The following ANKRD18A variants were observed in gnomAD, a reference collection of about 807,000 sequenced individuals.
The protein encoded by ANKRD18A is ankyrin repeat domain 18A.
In ANKRD18A, 72 loss-of-function variants were observed where a neutral mutation model predicts 110.6. The observed-to-expected ratio is 0.65, with a 90% confidence interval of 0.54 to 0.79. The LOEUF (loss-of-function observed/expected upper bound fraction) is 0.79, where lower values mean the gene tolerates loss of function less well. ANKRD18A is among the 30% of genes least tolerant of loss of function. The pLI is 0.00. For synonymous variants in ANKRD18A, 305 were observed against 410.3 expected (o/e 0.74, Z 3.10); for missense variants, 934 against 1,163.3 (o/e 0.80, Z 2.87).
chr9:38,589,732 C>T (rs902862454), intron 10 of ANKRD18A, among the ~76,000 whole-genome samples: 1 of 152,194 alleles, frequency 6.6e-6, no homozygotes, highest in Non-Finnish European at 1.5e-5. Flanking sequence ...TGGTGTTTCA[C>T]AATGTTGGCC....
rs866964882 is a variant in ANKRD18A at position 38,593,838 on chromosome 9, C to T, written c.1926G>A (p.Leu642=). 1 of 1,542,552 alleles carries T rather than the reference C, an allele frequency of 6.5e-7. No homozygotes were observed. The highest frequency in any genetic ancestry group is 1.2e-5 in the South Asian group (1 of 81,172). The change falls in exon 10 of 16, where the codon CTG becomes CTA. Residue 642 remains leucine, a synonymous_variant. Transcript: ENST00000399703. ...TAATATGACAATGTGATGTACCTTCCAGTGGAGACTCTGATATTGAAAATG... is the reference window on the plus strand; with the variant it reads ...TAATATGACAATGTGATGTACCTTCTAGTGGAGACTCTGATATTGAAAATG... ...LKTFSISESP[L]EGTSHCHINL...
chr9:38,586,555 T>C (rs115855659), intron 11 of ANKRD18A, among the ~76,000 whole-genome samples: 1 of 148,038 alleles, frequency 6.8e-6, no homozygotes, highest in African/African-American at 2.5e-5. Flanking sequence ...CAGTTTTTGG[T>C]TTTTTTTTTG....
At chr9:38,605,317 A>G (rs1025413953) in intron 6 of ANKRD18A, among the ~76,000 whole-genome samples, 2 of 152,082 alleles carry the variant, frequency 1.3e-5, no homozygotes, top group African/African-American at 2.4e-5. Context: ...TTTCTTAAAA[A>G]CTCTGTTGAA....
intron 7 of ANKRD18A, among the ~76,000 whole-genome samples, chr9:38,602,473 C>A (rs971430107): frequency 2.0e-5 from 3 of 152,128 alleles, no homozygotes; most frequent in African/African-American, 7.2e-5. Context: ...GCATCACCAG[C>A]AGCTCAGAAA....
intron 5 of ANKRD18A, among the ~76,000 whole-genome samples, 195 bp downstream of exon 5, chr9:38,610,078 G>T (rs1002719932): frequency 3.9e-5 from 6 of 152,144 alleles, no homozygotes; most frequent in Admixed American, 1.3e-4. Flanking sequence ...AGTCCGGAAA[G>T]AATCTTGCAC....
Position 38,610,647 on chromosome 9 carries a change from C to T in ANKRD18A, c.603-237G>A, listed in dbSNP as rs1856186. Among the ~76,000 whole-genome samples the T allele has an allele frequency of 9.7e-3, 1,481 of 152,226 alleles. 19 individuals are homozygous for T. The highest frequency in any genetic ancestry group is 0.024 in the Middle Eastern group (7 of 294). ...AACTTCGTGTCCCATTGGGACATGA[C>T]GTAATACAAATTGCTAATTTATAGT... is the stretch of plus-strand genomic sequence containing the variant. On this transcript the variant is annotated intron_variant, in intron 4 of 15. Coordinates refer to ENST00000399703, the MANE Select transcript of ANKRD18A (RefSeq NM_147195.4).
intron 15 of ANKRD18A, among the ~76,000 whole-genome samples, chr9:38,573,901 T>C (rs184890469): frequency 3.2e-4 from 49 of 151,728 alleles, no homozygotes; most frequent in African/African-American, 1.2e-3. Context: ...AAAGTTTTCT[T>C]TTTTTTTTCT....
intron 10 of ANKRD18A, among the ~76,000 whole-genome samples, chr9:38,590,969 G>A (rs1824620226): frequency 2.0e-5 from 3 of 152,078 alleles, no homozygotes; most frequent in Middle Eastern, 3.4e-3. Flanking sequence ...TATACAAAAC[G>A]TTTTATTTAT....
chr9:38,606,779 T>C (rs1393085795), intron 6 of ANKRD18A, among the ~76,000 whole-genome samples: 1 of 152,174 alleles, frequency 6.6e-6, no homozygotes, highest in Non-Finnish European at 1.5e-5. Flanking sequence ...TCCATTTGCA[T>C]AACAAGTCCA....
Position 38,595,662 on chromosome 9 carries a change from G to T in ANKRD18A, c.1678C>A (p.Leu560Ile), listed in dbSNP as rs182912491. 6.4e-7 allele frequency: 1 copy of T among 1,551,068 alleles called. No homozygotes were observed. The highest frequency in any genetic ancestry group is 1.4e-5 in the African/African-American group (1 of 73,056). ...ELENLLLERQLEDARKEGDNK... is the reference protein window; with the variant it reads ...ELENLLLERQIEDARKEGDNK... Reference sequence around the variant, plus strand: ...TCGCCTTCCTTACGAGCATCCTCTAGTTGTCGTTCAAGCAAGAGATTTTCA... The same window carrying T: ...TCGCCTTCCTTACGAGCATCCTCTATTTGTCGTTCAAGCAAGAGATTTTCA... Residue 560 changes from leucine (L) to isoleucine (I), a missense_variant, in exon 9 of 16, where the codon CTA becomes ATA. Physicochemically the swap from Leu to Ile is conservative, Grantham distance 5 (BLOSUM62 2). Around this residue, in one of 4 missense-constraint regions of ANKRD18A, gnomAD observed 630 missense variants for 797.5 expected, o/e 0.79. Coordinates refer to ENST00000399703, the MANE Select transcript of ANKRD18A (RefSeq NM_147195.4).
intron 8 of ANKRD18A, among the ~76,000 whole-genome samples, chr9:38,598,526 T>C (rs889231142): frequency 2.6e-5 from 4 of 152,224 alleles, no homozygotes; most frequent in African/African-American, 9.6e-5. Context: ...ACCTCTTTTA[T>C]AGTTGAACTT....
intron 1 of ANKRD18A, among the ~76,000 whole-genome samples, chr9:38,617,810 A>T (rs1825920272): frequency 6.6e-6 from 1 of 152,224 alleles, no homozygotes; most frequent in South Asian, 2.1e-4. Context: ...GCTACATAAC[A>T]TATTCGAGTT....
chr9:38,580,420 T>C (rs2996338), intron 12 of ANKRD18A, among the ~76,000 whole-genome samples: 1 of 152,170 alleles, frequency 6.6e-6, no homozygotes, highest in Non-Finnish European at 1.5e-5. Flanking sequence ...TAGCAAGACC[T>C]TGTCTCTTAA....
intron 12 of ANKRD18A, among the ~76,000 whole-genome samples, chr9:38,585,500 GA>G (rs2118710711): frequency 6.6e-6 from 1 of 152,210 alleles, no homozygotes; most frequent in Admixed American, 6.5e-5. Context: ...ACTGTCTCAT[GA>G]AGCATTCTCA....
chr9:38,581,697 A>G (rs1241025416), intron 12 of ANKRD18A, among the ~76,000 whole-genome samples: 1 of 152,206 alleles, frequency 6.6e-6, no homozygotes, highest in African/African-American at 2.4e-5. Flanking sequence ...GTTTGCATGG[A>G]GAAGTTAAGA....
At chr9:38,613,625 G>A (rs893528991) in intron 3 of ANKRD18A, among the ~76,000 whole-genome samples, 1 of 152,136 alleles carries the variant, frequency 6.6e-6, no homozygotes, top group Non-Finnish European at 1.5e-5. Context: ...TTAGTTCATA[G>A]GAATGCTGAA....
intron 9 of ANKRD18A, among the ~76,000 whole-genome samples, chr9:38,595,095 T>C (rs3118170): frequency 0.48 from 72,646 of 151,950 alleles, 20,147 homozygotes; most frequent in African/African-American, 0.78. Flanking sequence ...AAAACAGCTT[T>C]GTTGAAATAT....
At chr9:38,599,910 T>C (rs1326554047) in intron 8 of ANKRD18A, among the ~76,000 whole-genome samples, 1 of 152,258 alleles carries the variant, frequency 6.6e-6, no homozygotes, top group Non-Finnish European at 1.5e-5. Flanking sequence ...ATGTCTTTTC[T>C]GACAGGGTGC....
chr9:38,612,655 C>T (rs991842780), intron 3 of ANKRD18A, among the ~76,000 whole-genome samples: 1 of 151,584 alleles, frequency 6.6e-6, no homozygotes, highest in East Asian at 2.0e-4. Flanking sequence ...GTAGCTGGAA[C>T]TACAGGCACC....
Sources: gnomAD v4.1 joint callset for allele counts (sites outside exome capture counted in the v4.1 genomes callset) on GRCh38, gnomAD v4.1.1 for gene constraint, gnomAD v4.1.1 regional missense constraint, MANE v1.5 for transcripts, NCBI Gene and HGNC (gene_info 2026-07-23, HGNC 2026-07-21) for gene names.